KANSL1: variants seen among roughly 807,000 people sequenced by gnomAD.
KANSL1 encodes the protein KAT8 regulatory NSL complex subunit 1.
In KANSL1, 22 loss-of-function variants were observed where a neutral mutation model predicts 103.6. The ratio of observed to expected loss-of-function variants is 0.21; its 90% CI spans 0.15 to 0.30. The LOEUF is 0.30. Ranked by LOEUF, KANSL1 falls within the 10% of genes least tolerant of loss-of-function variation. KANSL1 has a pLI of 1.00. For synonymous variants in KANSL1, 600 were observed against 527.6 expected (o/e 1.14, Z -1.88); for missense variants, 1,337 against 1,399.8 (o/e 0.96, Z 0.72).
In KANSL1 at chr17:46,114,546, A is replaced by G. The variant is rs565415273; in HGVS notation, c.1290-19845T>C. 3.1e-3 allele frequency among the ~76,000 whole-genome samples: 475 copies of G among 152,326 alleles called. 1 individual carries two copies. The highest frequency in any genetic ancestry group is 5.5e-3 in the Non-Finnish European group (377 of 68,026). ...TCTCCCTAGGACTTCTACATTGCTG[A>G]TAACAGCTTACAATATTTTTCCCAG... On this transcript the variant is annotated intron_variant, in intron 2 of 14. Transcript: ENST00000432791.
intron 14 of KANSL1, 81 bp from the exon 15 acceptor site, chr17:46,031,784 T>C (rs1380557933): frequency 7.5e-7 from 1 of 1,338,584 alleles, no homozygotes; most frequent in Non-Finnish European, 1.0e-6. Flanking sequence ...ACAAACCTTG[T>C]GGCCTGGAGC....
At chr17:46,145,378 T>C (rs888134666) in intron 2 of KANSL1, among the ~76,000 whole-genome samples, 13 of 152,380 alleles carry the variant, frequency 8.5e-5, no homozygotes, top group Middle Eastern at 3.4e-3. Flanking sequence ...TGCAATAAAC[T>C]TTCTACCTCT....
At chr17:46,191,259 C>T (rs539286072) in intron 1 of KANSL1, among the ~76,000 whole-genome samples, 1 of 152,216 alleles carries the variant, frequency 6.6e-6, no homozygotes, top group Non-Finnish European at 1.5e-5. Context: ...CTAATAAATA[C>T]ACTTAGCATT....
Position 46,171,162 on chromosome 17 carries a change from T to C in KANSL1, c.982A>G (p.Thr328Ala). 1 of 1,614,156 alleles carries C rather than the reference T, an allele frequency of 6.2e-7. No homozygotes were observed. The highest frequency in any genetic ancestry group is 8.5e-7 in the Non-Finnish European group (1 of 1,180,048). The change falls in exon 2 of 15, where the codon ACT becomes GCT. Residue 328 changes from threonine to alanine, a missense_variant. Physicochemically the swap from Thr to Ala is moderately conservative, Grantham distance 58 (BLOSUM62 0). Around this residue, in one of 2 missense-constraint regions of KANSL1, gnomAD observed 557 missense variants for 476.4 expected, o/e 1.17. Coordinates refer to ENST00000432791, the MANE Select transcript of KANSL1 (RefSeq NM_015443.4). ...QHQLGGFLEKTLSKLPNLESL... is the reference protein window; with the variant it reads ...QHQLGGFLEKALSKLPNLESL... Reference sequence around the variant, plus strand: ...TCCAAGTTTGGCAGTTTGCTCAAAGTCTTCTCCAAAAATCCACCCAGCTGA... The same window carrying C: ...TCCAAGTTTGGCAGTTTGCTCAAAGCCTTCTCCAAAAATCCACCCAGCTGA...
intron 11 of KANSL1, 159 bp from the exon 12 acceptor site, chr17:46,033,619 T>C: frequency 1.5e-6 from 1 of 652,604 alleles, no homozygotes; most frequent in Non-Finnish European, 2.7e-6. Context: ...CCCTACCCTG[T>C]CAAGGCCTGT....
At chr17:46,127,138 T>C (rs1183782117) in intron 2 of KANSL1, among the ~76,000 whole-genome samples, 2 of 152,218 alleles carry the variant, frequency 1.3e-5, no homozygotes, top group Non-Finnish European at 2.9e-5. Context: ...ACTTTCCTCA[T>C]AAAAAGTTCA....
intron 1 of KANSL1, among the ~76,000 whole-genome samples, chr17:46,175,215 T>C (rs2046460821): frequency 6.6e-6 from 1 of 152,076 alleles, no homozygotes; most frequent in African/African-American, 2.4e-5. Flanking sequence ...AGTATGACAA[T>C]TTGAATCATT....
At chr17:46,138,298 A>G (rs1326960002) in intron 2 of KANSL1, among the ~76,000 whole-genome samples, 1 of 152,256 alleles carries the variant, frequency 6.6e-6, no homozygotes, top group African/African-American at 2.4e-5. Context: ...TCAATCAATC[A>G]AACAGCAAAA....
At chr17:46,137,744 G>A (rs1212312364) in intron 2 of KANSL1, among the ~76,000 whole-genome samples, 1 of 151,976 alleles carries the variant, frequency 6.6e-6, no homozygotes, top group African/African-American at 2.4e-5. Flanking sequence ...GCGGGCGCCT[G>A]TAGTCCCAGC....
intron 1 of KANSL1, among the ~76,000 whole-genome samples, chr17:46,213,467 A>AT (rs748428844): frequency 0.039 from 5,341 of 136,344 alleles, 576 homozygotes; most frequent in East Asian, 0.38. Flanking sequence ...CGCCCGGCTA[A>AT]TTTTTTTTTT....
At chr17:46,074,428 G>T (rs879863037) in intron 4 of KANSL1, among the ~76,000 whole-genome samples, 2 of 152,166 alleles carry the variant, frequency 1.3e-5, no homozygotes, top group Non-Finnish European at 2.9e-5. Flanking sequence ...CAGGTAGGAA[G>T]TAGAACAACC....
chr17:46,052,963 C>CAAAAAAAAAAAAAAAAAAAAAAAAA (rs2077769956), intron 6 of KANSL1, among the ~76,000 whole-genome samples: 1 of 43,140 alleles, frequency 2.3e-5, no homozygotes, highest in African/African-American at 1.0e-4. Flanking sequence ...GATCCTGTCT[C>CAAAAAAAAAAAAAAAAAAAAAAAAA]CAAAAAAAAA....
chr17:46,153,455 C>T (rs988148161), intron 2 of KANSL1, among the ~76,000 whole-genome samples: 1 of 152,224 alleles, frequency 6.6e-6, no homozygotes, highest in African/African-American at 2.4e-5. Context: ...TAAATAAAGC[C>T]ACAGAAACAT....
At chr17:46,222,036 AC>A (rs949163033) in intron 1 of KANSL1, 1 of 147,090 alleles carries the variant, frequency 6.8e-6, no homozygotes, top group East Asian at 1.9e-4. Context: ...AGAAAACATT[AC>A]CCCCCAAAAT....
chr17:46,197,980 G>T (rs1444106014), upstream of KANSL1, among the ~76,000 whole-genome samples: 1 of 152,182 alleles, frequency 6.6e-6, no homozygotes, highest in Non-Finnish European at 1.5e-5. Flanking sequence ...TTAAGAAAAA[G>T]CAATTATTAT....
chr17:46,154,413 G>A (rs2045302893), intron 2 of KANSL1, among the ~76,000 whole-genome samples: 1 of 152,216 alleles, frequency 6.6e-6, no homozygotes. Context: ...CCGAGTAGCT[G>A]GGACTACAGG....
chr17:46,115,394 G>A (rs1466667917), intron 2 of KANSL1, among the ~76,000 whole-genome samples: 1 of 152,028 alleles, frequency 6.6e-6, no homozygotes, highest in Non-Finnish European at 1.5e-5. Flanking sequence ...CAAAAAGAAA[G>A]TGCAGATTTT....
chr17:46,035,166 CAG>C (rs1338514183), intron 10 of KANSL1: 2 of 152,266 alleles, frequency 1.3e-5, no homozygotes, highest in Non-Finnish European at 2.9e-5. Flanking sequence ...TATCCTGAAA[CAG>C]AGACTAGCAA....
intron 1 of KANSL1, among the ~76,000 whole-genome samples, chr17:46,204,204 C>G (rs564073969): frequency 5.9e-5 from 9 of 152,306 alleles, no homozygotes; most frequent in Middle Eastern, 3.4e-3. Flanking sequence ...CACCTGTAAT[C>G]CCAGCACTTG....
Sources: gnomAD v4.1 joint callset for allele counts (sites outside exome capture counted in the v4.1 genomes callset) on GRCh38, gnomAD v4.1.1 for gene constraint, gnomAD v4.1.1 regional missense constraint, MANE v1.5 for transcripts, NCBI Gene and HGNC (gene_info 2026-07-23, HGNC 2026-07-21) for gene names.